Variants in ME2 observed in about 807,000 individuals in gnomAD.
The protein encoded by ME2 is NAD-dependent malic enzyme, mitochondrial.
A neutral mutation model predicts 73.7 loss-of-function variants in ME2; 60 were observed. The observed-to-expected ratio is 0.81, with a 90% CI of 0.66 to 1.01. ME2 has a LOEUF of 1.01. ME2 is among the 50% of genes least tolerant of loss of function. ME2 has a pLI of 0.00. For missense variants in ME2, 594 were observed against 705.5 expected (o/e 0.84, Z 1.79); for synonymous variants, 199 against 236.9 (o/e 0.84, Z 1.47).
At chr18:50,881,815 C>G (rs1229909925) in intron 1 of ME2, among the ~76,000 whole-genome samples, 1 of 152,192 alleles carries the variant, frequency 6.6e-6, no homozygotes, top group East Asian at 1.9e-4. Flanking sequence ...ACTAGCCTTT[C>G]TAGAGCACCT....
intron 1 of ME2, among the ~76,000 whole-genome samples, chr18:50,881,263 C>G (rs1049862759): frequency 6.6e-6 from 1 of 152,170 alleles, no homozygotes; most frequent in African/African-American, 2.4e-5. Context: ...TCTCGAACTG[C>G]TGACCTCAAG....
chr18:50,938,889 AAAATC>A (rs1917875247), intron 13 of ME2, among the ~76,000 whole-genome samples: 1 of 152,218 alleles, frequency 6.6e-6, no homozygotes, highest in African/African-American at 2.4e-5. Flanking sequence ...TAAATACTAA[AAAATC>A]AAAGTAAAGG....
At chr18:50,925,654 C>A in intron 11 of ME2, 102 bp from the exon 12 acceptor site, 1 of 899,126 alleles carries the variant, frequency 1.1e-6, no homozygotes, top group Non-Finnish European at 1.8e-6. Context: ...TGAGATATTA[C>A]CTGTGTTTTT....
chr18:50,933,263 G>A (rs1421394332), intron 13 of ME2: 1 of 152,230 alleles, frequency 6.6e-6, no homozygotes, highest in East Asian at 1.9e-4. Context: ...GAGTAAAACA[G>A]GAATTTTGTA....
At chr18:50,904,966 G>A (rs1239038500) in intron 2 of ME2, among the ~76,000 whole-genome samples, 1 of 151,604 alleles carries the variant, frequency 6.6e-6, no homozygotes. Flanking sequence ...ATACTTGATG[G>A]TGTCTTACAG....
At chr18:50,931,373 G>C (rs1917685299) in intron 12 of ME2, among the ~76,000 whole-genome samples, 1 of 152,164 alleles carries the variant, frequency 6.6e-6, no homozygotes, top group South Asian at 2.1e-4. Context: ...AAAAAATCTA[G>C]ATTAAGATTT....
intron 1 of ME2, among the ~76,000 whole-genome samples, chr18:50,886,523 C>T (rs564786887): frequency 6.6e-6 from 1 of 152,144 alleles, no homozygotes; most frequent in African/African-American, 2.4e-5. Flanking sequence ...GGATTACAGG[C>T]GTGAGCCACT....
chr18:50,940,696 C>A (rs1917927885), intron 15 of ME2, among the ~76,000 whole-genome samples: 1 of 152,134 alleles, frequency 6.6e-6, no homozygotes, highest in East Asian at 1.9e-4. Flanking sequence ...AACCCCTTGG[C>A]CTGAAGCGAT....
intron 7 of ME2, 94 bp from the exon 8 acceptor site, chr18:50,920,362 A>G: frequency 1.1e-6 from 1 of 870,250 alleles, no homozygotes; most frequent in Non-Finnish European, 1.8e-6. Context: ...AACATAATAC[A>G]TTATTTTTGA....
intron 13 of ME2, chr18:50,933,695 A>T (rs1260818219): frequency 6.6e-6 from 1 of 151,818 alleles, no homozygotes; most frequent in East Asian, 1.9e-4. Flanking sequence ...AGGGGTACAT[A>T]TGAAGGTTTG....
At chr18:50,880,550 G>A (rs760269040) in intron 1 of ME2, among the ~76,000 whole-genome samples, 14 of 152,182 alleles carry the variant, frequency 9.2e-5, no homozygotes, top group African/African-American at 1.9e-4. Context: ...ACTTCTGGGA[G>A]GCCGACGTGG....
chr18:50,945,716 C>T (rs1022377874), intron 15 of ME2, among the ~76,000 whole-genome samples: 2 of 151,966 alleles, frequency 1.3e-5, no homozygotes, highest in African/African-American at 4.8e-5. Flanking sequence ...AGGAGGAGAG[C>T]GACATCTTAT....
intron 14 of ME2, 22 bp downstream of exon 14, chr18:50,939,662 T>A (rs759680572): frequency 1.0e-5 from 16 of 1,525,878 alleles, no homozygotes; most frequent in Admixed American, 1.0e-4. Flanking sequence ...AAATGTTGTT[T>A]ATTTTATAAA....
intron 3 of ME2, 89 bp downstream of exon 3, chr18:50,908,285 C>A: frequency 1.1e-6 from 1 of 926,984 alleles, no homozygotes; most frequent in Non-Finnish European, 1.6e-6. Flanking sequence ...GAGAAATACA[C>A]AATCTTATAT....
chr18:50,925,245 G>A (rs2511037), intron 11 of ME2, among the ~76,000 whole-genome samples: 73,769 of 151,996 alleles, frequency 0.49, 18,631 homozygotes, highest in South Asian at 0.67. Flanking sequence ...CTGGGAGGCC[G>A]AGGCAGGCGG....
intron 13 of ME2, among the ~76,000 whole-genome samples, chr18:50,937,667 A>T (rs9949309): frequency 0.02 from 3,066 of 152,266 alleles, 94 homozygotes; most frequent in African/African-American, 0.069. Context: ...ATTATATCCT[A>T]TAAAGACAGA....
chr18:50,938,966 G>C (rs1043815059), intron 13 of ME2, among the ~76,000 whole-genome samples: 3 of 151,988 alleles, frequency 2.0e-5, no homozygotes, highest in Non-Finnish European at 2.9e-5. Flanking sequence ...AAGTAACCAT[G>C]ATATAAACAT....
At chr18:50,884,959 A>G (rs1257920773) in intron 1 of ME2, among the ~76,000 whole-genome samples, 2 of 151,874 alleles carry the variant, frequency 1.3e-5, no homozygotes, top group Non-Finnish European at 2.9e-5. Flanking sequence ...GGTTCAAGCA[A>G]TTCTCCCACC....
chr18:50,897,003 C>G (rs772701452), intron 2 of ME2, among the ~76,000 whole-genome samples: 36 of 152,220 alleles, frequency 2.4e-4, no homozygotes, highest in Non-Finnish European at 3.5e-4. Context: ...CATTTCAAAT[C>G]CAGTTCTCCT....
Sources: gnomAD v4.1 joint callset for allele counts (sites outside exome capture counted in the v4.1 genomes callset) on GRCh38, gnomAD v4.1.1 for gene constraint, MANE v1.5 for transcripts, NCBI Gene and HGNC (gene_info 2026-07-23, HGNC 2026-07-21) for gene names.